Variants in DHRSX observed in about 807,000 individuals in gnomAD.
The protein encoded by DHRSX is polyprenol dehydrogenase.
Under a neutral mutation model 34.0 loss-of-function variants are expected in DHRSX, and 31 were observed. The ratio of observed to expected loss-of-function variants is 0.91; its 90% confidence interval spans 0.69 to 1.23. The LOEUF (loss-of-function observed/expected upper bound fraction) is 1.23. DHRSX is among the 50% of genes most tolerant of loss of function. The pLI is 0.00. For missense variants in DHRSX, 414 were observed against 428.1 expected (o/e 0.97, Z 0.29); for synonymous variants, 201 against 183.8 (o/e 1.09, Z -0.76).
At chrX:2,229,562 ATG>A (rs919554504) in intron 6 of DHRSX, among the ~76,000 whole-genome samples, 28 of 152,090 alleles carry the variant, frequency 1.8e-4, no homozygotes, top group African/African-American at 5.8e-4. Context: ...TAATGTGTGC[ATG>A]TGTGTGTGTG....
At chrX:2,336,001 G>C (rs2042555602) in intron 3 of DHRSX, among the ~76,000 whole-genome samples, 1 of 151,714 alleles carries the variant, frequency 6.6e-6, no homozygotes, top group Non-Finnish European at 1.5e-5. Flanking sequence ...TCATGCTTTT[G>C]TTTTTGTTTT....
intron 1 of DHRSX, among the ~76,000 whole-genome samples, chrX:2,448,391 A>G (rs1367479224): frequency 6.6e-6 from 1 of 152,118 alleles, no homozygotes; most frequent in Non-Finnish European, 1.5e-5. Flanking sequence ...AATAAATTCA[A>G]AGATCTATCA....
At chrX:2,330,128 GAGAA>G (rs777145765) in intron 3 of DHRSX, among the ~76,000 whole-genome samples, 1,265 of 118,864 alleles carry the variant, frequency 0.011, 20 homozygotes, top group Non-Finnish European at 0.016. Context: ...GAGAGACAGA[GAGAA>G]AGGAAGGAGG....
chrX:2,271,311 C>A (rs1468970973), intron 4 of DHRSX, among the ~76,000 whole-genome samples: 1 of 152,146 alleles, frequency 6.6e-6, no homozygotes, highest in Non-Finnish European at 1.5e-5. Context: ...TTGAAGTCAG[C>A]GAGACCAAGA....
At chrX:2,311,624 T>G (rs990430165) in intron 3 of DHRSX, among the ~76,000 whole-genome samples, 15 of 152,082 alleles carry the variant, frequency 9.9e-5, no homozygotes, top group Non-Finnish European at 2.2e-4. Flanking sequence ...AAGAAAGGCT[T>G]TCGAAGACAA....
intron 6 of DHRSX, among the ~76,000 whole-genome samples, chrX:2,241,292 T>C (rs2016135838): frequency 6.6e-6 from 1 of 152,156 alleles, no homozygotes; most frequent in African/African-American, 2.4e-5. Flanking sequence ...TGTGGGAGCT[T>C]TCAGCTGCTG....
intron 4 of DHRSX, among the ~76,000 whole-genome samples, chrX:2,270,888 G>A (rs1468052727): frequency 2.8e-4 from 32 of 113,118 alleles, no homozygotes; most frequent in Admixed American, 6.7e-4. Context: ...ACCAATCAAT[G>A]CTCTATAAAA....
At chrX:2,460,199 G>A (rs193008052) in intron 1 of DHRSX, among the ~76,000 whole-genome samples, 4,346 of 152,212 alleles carry the variant, frequency 0.029, 81 homozygotes, top group Admixed American at 0.053. Flanking sequence ...CTCTCACAAA[G>A]CGGCGAGTGT....
intron 1 of DHRSX, among the ~76,000 whole-genome samples, chrX:2,474,421 A>G (rs925900170): frequency 3.3e-5 from 5 of 151,042 alleles, no homozygotes; most frequent in African/African-American, 1.2e-4. Context: ...TGGCTAAGGG[A>G]CCGCCCCCAT....
chrX:2,472,101 C>A (rs2124009196), intron 1 of DHRSX, among the ~76,000 whole-genome samples: 1 of 148,554 alleles, frequency 6.7e-6, no homozygotes, highest in South Asian at 2.1e-4. Context: ...GCCGAGATCA[C>A]ACCATTGCAC....
chrX:2,472,587 T>C (rs1273441488), intron 1 of DHRSX, among the ~76,000 whole-genome samples: 4 of 152,030 alleles, frequency 2.6e-5, no homozygotes, highest in Non-Finnish European at 5.9e-5. Flanking sequence ...CTGACCAATA[T>C]GGTGAAACCC....
intron 2 of DHRSX, among the ~76,000 whole-genome samples, chrX:2,410,373 G>C (rs1238954395): frequency 6.6e-6 from 1 of 152,190 alleles, no homozygotes; most frequent in Non-Finnish European, 1.5e-5. Flanking sequence ...GGTGCCCGGA[G>C]AGCTTCAAAC....
rs761804334 is a variant in DHRSX at position 2,266,968 on chromosome X, G to A, written c.389-21C>T. ...CCCAGCTGGACAAAAGAGAATATCAGAAGGAGTTAGACTGGGGAAGACAGT... is the reference window on the plus strand; with the variant it reads ...CCCAGCTGGACAAAAGAGAATATCAAAAGGAGTTAGACTGGGGAAGACAGT... On this transcript the variant is annotated intron_variant, in intron 4 of 6. Coordinates refer to ENST00000334651, the MANE Select transcript of DHRSX (RefSeq NM_145177.3). 6 of 1,612,056 alleles carry A rather than the reference G, an allele frequency of 3.7e-6. No homozygotes were observed. In the South Asian group the frequency reaches 4.4e-5, roughly 12 times the overall value.
intron 3 of DHRSX, among the ~76,000 whole-genome samples, chrX:2,365,719 C>T (rs1306978428): frequency 1.3e-5 from 2 of 152,104 alleles, no homozygotes; most frequent in African/African-American, 4.8e-5. Context: ...TCCCAGGATA[C>T]TCCACCATAG....
chrX:2,266,773 A>G lies in DHRSX; in HGVS notation c.563T>C (p.Val188Ala), dbSNP rs1328146156. ...VVTVSSATHY[V>A]AELNMDDLQS... is the part of the protein sequence containing the mutation. ...AAGGTCATCCATGTTCAGCTCAGCG[A>G]CGTAATGGGTGGCAGAGGAGACGGT... The change falls in exon 5 of 7, where the codon GTC becomes GCC. Residue 188 changes from valine to alanine, a missense_variant. Physicochemically the swap from Val to Ala is moderately conservative, Grantham distance 64 (BLOSUM62 0). Transcript: ENST00000334651. The G allele has an allele frequency of 6.2e-7, 1 of 1,613,842 alleles. No individual in the cohort carries two copies. The highest frequency in any genetic ancestry group is 8.5e-7 in the Non-Finnish European group (1 of 1,179,872).
chrX:2,256,000 A>G (rs1411502093), intron 5 of DHRSX, among the ~76,000 whole-genome samples: 1 of 151,186 alleles, frequency 6.6e-6, no homozygotes, highest in Non-Finnish European at 1.5e-5. Flanking sequence ...ATGATTTTGG[A>G]AGGTATGTGT....
At chrX:2,471,426 G>T (rs1353053798) in intron 1 of DHRSX, among the ~76,000 whole-genome samples, 1 of 151,930 alleles carries the variant, frequency 6.6e-6, no homozygotes, top group African/African-American at 2.4e-5. Context: ...AATTAGCCGG[G>T]TGTGGTGGCA....
At chrX:2,268,575 A>C (rs180741259) in intron 4 of DHRSX, among the ~76,000 whole-genome samples, 12 of 152,342 alleles carry the variant, frequency 7.9e-5, no homozygotes, top group African/African-American at 2.9e-4. Flanking sequence ...ACGTCTTTAC[A>C]TGCAGATTCA....
chrX:2,362,963 C>T (rs1205104633), intron 3 of DHRSX, among the ~76,000 whole-genome samples: 3 of 115,786 alleles, frequency 2.6e-5, no homozygotes, highest in Admixed American at 1.7e-4. Context: ...ATTTTATCAC[C>T]GTTCTATGGT....
Sources: allele counts gnomAD v4.1 joint callset (sites outside exome capture counted in the v4.1 genomes callset), GRCh38; gene constraint gnomAD v4.1.1; transcripts MANE v1.5; gene names NCBI Gene and HGNC (gene_info 2026-07-23, HGNC 2026-07-21).